The following MGAT4C variants were observed in gnomAD, a reference collection of about 807,000 sequenced individuals.
MGAT4C encodes the protein MGAT4 family member C.
MGAT4C carries 19 observed loss-of-function variants against 40.1 expected under a neutral mutation model. The observed-to-expected ratio is 0.47, with a 90% CI of 0.33 to 0.70. The LOEUF (loss-of-function observed/expected upper bound fraction) is 0.70, where lower values mean the gene tolerates loss of function less well. MGAT4C is among the 30% of genes least tolerant of loss of function. MGAT4C has a pLI of 0.02. For missense variants in MGAT4C, 491 were observed against 563.2 expected, an observed-to-expected ratio of 0.87 and a Z score of 1.30; for synonymous variants, 181 against 187.1, an observed-to-expected ratio of 0.97 and a Z score of 0.27.
chr12:86,757,305 T>C (rs545211226), intron 1 of MGAT4C, among the ~76,000 whole-genome samples: 1 of 152,218 alleles, frequency 6.6e-6, no homozygotes, highest in Non-Finnish European at 1.5e-5. Flanking sequence ...TCATGCCACG[T>C]GTATACCTAT....
intron 1 of MGAT4C, among the ~76,000 whole-genome samples, chr12:86,054,943 C>T (rs765499871): frequency 1.3e-5 from 2 of 151,912 alleles, no homozygotes; most frequent in African/African-American, 4.8e-5. Context: ...CTCCTTGAAA[C>T]GGTTTCCCTT....
At chr12:86,708,325 G>A (rs1199825612) in intron 2 of MGAT4C, among the ~76,000 whole-genome samples, 2 of 152,218 alleles carry the variant, frequency 1.3e-5, no homozygotes, top group East Asian at 3.9e-4. Context: ...GTCAAGAATT[G>A]GGATTTGGGA....
chr12:86,483,912 A>C (rs1020935711), intron 2 of MGAT4C, among the ~76,000 whole-genome samples: 41 of 150,536 alleles, frequency 2.7e-4, no homozygotes, highest in Non-Finnish European at 5.9e-5. Context: ...TATTTTAAAC[A>C]AATATTTAGA....
At chr12:86,564,693 G>A (rs568398397) in intron 2 of MGAT4C, among the ~76,000 whole-genome samples, 9 of 152,092 alleles carry the variant, frequency 5.9e-5, no homozygotes, top group Non-Finnish European at 4.4e-5. Flanking sequence ...TTTGCCCCTC[G>A]TACAATCAAG....
intron 3 of MGAT4C, among the ~76,000 whole-genome samples, chr12:86,370,254 G>A (rs1399988234): frequency 2.0e-5 from 3 of 151,894 alleles, no homozygotes; most frequent in Admixed American, 6.6e-5. Context: ...ATTATGAAAT[G>A]GAAAAATAGA....
chr12:86,515,733 C>A (rs1958672974), intron 2 of MGAT4C, among the ~76,000 whole-genome samples: 1 of 149,528 alleles, frequency 6.7e-6, no homozygotes, highest in Non-Finnish European at 1.5e-5. Flanking sequence ...ACATTTAAAG[C>A]AATTCTTTTT....
At chr12:86,544,336 T>C (rs140477772) in intron 2 of MGAT4C, among the ~76,000 whole-genome samples, 1 of 152,196 alleles carries the variant, frequency 6.6e-6, no homozygotes, top group Non-Finnish European at 1.5e-5. Context: ...CTCAGAAATA[T>C]GTTTAATCAA....
At chr12:86,222,732 A>G (rs1950929309) in intron 1 of MGAT4C, among the ~76,000 whole-genome samples, 1 of 152,192 alleles carries the variant, frequency 6.6e-6, no homozygotes, top group Admixed American at 6.6e-5. Flanking sequence ...TAAAATCTAT[A>G]CATATCACAG....
rs143161198 is a variant in MGAT4C at position 86,821,689 on chromosome 12, G to A, written c.-262+16977C>T. On this transcript the variant is annotated intron_variant, in intron 1 of 7. Coordinates refer to the MGAT4C transcript ENST00000548651. ...ACCAGGGAGGTTTCATTATAGGTTA[G>A]AACTGTCTGTTTGCTGCAGTTGTTA... is the stretch of plus-strand genomic sequence containing the variant. Among the ~76,000 whole-genome samples, 885 of 150,988 alleles carry A rather than the reference G, an allele frequency of 5.9e-3. 8 individuals carry two copies. Among genetic ancestry groups the A allele is most frequent in the African/African-American group, 0.02 (842 of 41,418 alleles).
At chr12:86,005,100 C>T (rs1463471319) in intron 2 of MGAT4C, among the ~76,000 whole-genome samples, 2 of 152,154 alleles carry the variant, frequency 1.3e-5, no homozygotes, top group African/African-American at 2.4e-5. Flanking sequence ...GCCCCAGTCA[C>T]CAGCCTGAAG....
chr12:86,773,767 G>A (rs1398613929), intron 1 of MGAT4C, among the ~76,000 whole-genome samples: 1 of 151,582 alleles, frequency 6.6e-6, no homozygotes, highest in African/African-American at 2.4e-5. Flanking sequence ...TTAATTTTGA[G>A]CTCTTTCATG....
intron 3 of MGAT4C, among the ~76,000 whole-genome samples, chr12:86,372,533 C>T (rs1186443504): frequency 2.0e-5 from 3 of 151,786 alleles, no homozygotes; most frequent in East Asian, 3.9e-4. Flanking sequence ...TGCAGTTCAT[C>T]TTCTGAAATA....
chr12:86,051,470 A>T (rs10779226), intron 1 of MGAT4C, among the ~76,000 whole-genome samples: 1 of 151,594 alleles, frequency 6.6e-6, no homozygotes, highest in Admixed American at 6.6e-5. Flanking sequence ...TTTCTCATAG[A>T]CACTGATGAA....
intron 1 of MGAT4C, among the ~76,000 whole-genome samples, chr12:86,817,557 A>G (rs112156145): frequency 0.013 from 2,016 of 151,552 alleles, 34 homozygotes; most frequent in African/African-American, 0.045. Context: ...TTTCTGTTTA[A>G]TCTAGCATTT....
chr12:86,171,702 C>A (rs1027444777), intron 1 of MGAT4C, among the ~76,000 whole-genome samples: 1 of 152,112 alleles, frequency 6.6e-6, no homozygotes, highest in Admixed American at 6.6e-5. Context: ...ATACACATTA[C>A]CAAGTCATAA....
At chr12:86,327,993 A>G (rs778892715) in intron 4 of MGAT4C, among the ~76,000 whole-genome samples, 1 of 151,898 alleles carries the variant, frequency 6.6e-6, no homozygotes, top group Non-Finnish European at 1.5e-5. Flanking sequence ...TAGACCTCCA[A>G]CCTCCCATTT....
chr12:86,385,078 G>A (rs749968266), intron 3 of MGAT4C, among the ~76,000 whole-genome samples: 2 of 152,150 alleles, frequency 1.3e-5, no homozygotes, highest in Non-Finnish European at 2.9e-5. Context: ...CTAAAAAAAT[G>A]ATTGAACTCA....
At chr12:86,480,148 G>C (rs1365778326) in intron 2 of MGAT4C, among the ~76,000 whole-genome samples, 2 of 151,558 alleles carry the variant, frequency 1.3e-5, no homozygotes, top group Non-Finnish European at 3.0e-5. Flanking sequence ...TTCTATAAAA[G>C]TTTTGGAAAA....
intron 1 of MGAT4C, among the ~76,000 whole-genome samples, chr12:86,061,313 C>T (rs149541934): frequency 0.011 from 1,690 of 152,200 alleles, 10 homozygotes; most frequent in African/African-American, 0.015. Flanking sequence ...CCTTGAGGAA[C>T]GGTGCACTCC....
Sources: gnomAD v4.1 joint callset for allele counts (sites outside exome capture counted in the v4.1 genomes callset) on GRCh38, gnomAD v4.1.1 for gene constraint, MANE v1.5 for transcripts, NCBI Gene and HGNC (gene_info 2026-07-23, HGNC 2026-07-21) for gene names.